Variants in ASTN2 observed in about 807,000 individuals in gnomAD.
The protein encoded by ASTN2 is astrotactin-2.
In ASTN2, 54 loss-of-function variants were observed where a neutral mutation model predicts 139.8. The ratio of observed to expected loss-of-function variants is 0.39; its 90% CI spans 0.31 to 0.48. The LOEUF (loss-of-function observed/expected upper bound fraction) is 0.48, where lower values mean the gene tolerates loss of function less well. Ranked by LOEUF, ASTN2 falls within the 20% of genes least tolerant of loss-of-function variation. The probability of loss-of-function intolerance (pLI) is 0.95; values close to 1 mark genes in which losing one functional copy is unlikely to be tolerated. For synonymous variants in ASTN2, 756 were observed against 719.5 expected (o/e 1.05, Z -0.81); for missense variants, 1,565 against 1,725.1 (o/e 0.91, Z 1.64).
chr9:116,682,577 G>A (rs991316236), intron 16 of ASTN2, among the ~76,000 whole-genome samples: 5 of 152,156 alleles, frequency 3.3e-5, no homozygotes, highest in East Asian at 1.9e-4. Flanking sequence ...GCATTCACAC[G>A]TATGTTTACT....
At chr9:116,864,518 C>T (rs1189394909) in intron 10 of ASTN2, among the ~76,000 whole-genome samples, 1 of 152,144 alleles carries the variant, frequency 6.6e-6, no homozygotes, top group Admixed American at 6.5e-5. Context: ...ATGGAATTCT[C>T]TACAATGGAG....
At chr9:116,694,298 C>T (rs990506084) in intron 16 of ASTN2, among the ~76,000 whole-genome samples, 3 of 152,066 alleles carry the variant, frequency 2.0e-5, no homozygotes, top group African/African-American at 7.2e-5. Flanking sequence ...TCTGCACTGC[C>T]AGCTCTGGGA....
intron 1 of ASTN2, among the ~76,000 whole-genome samples, chr9:117,306,621 G>A (rs1452842871): frequency 6.6e-6 from 1 of 152,162 alleles, no homozygotes; most frequent in African/African-American, 2.4e-5. Context: ...ATCTCACACT[G>A]TCTTAATGGA....
intron 19 of ASTN2, among the ~76,000 whole-genome samples, chr9:116,593,244 A>G (rs1475937870): frequency 6.6e-6 from 1 of 152,204 alleles, no homozygotes; most frequent in Admixed American, 6.5e-5. Context: ...ATAAAAGGGA[A>G]TCTGCTTCCC....
intron 3 of ASTN2, among the ~76,000 whole-genome samples, chr9:117,168,245 G>T (rs1462388108): frequency 6.6e-6 from 1 of 152,116 alleles, no homozygotes; most frequent in African/African-American, 2.4e-5. Context: ...GAAGATATGG[G>T]AAGAACCAAG....
At chr9:116,775,815 G>A (rs1198367648) in intron 13 of ASTN2, among the ~76,000 whole-genome samples, 1 of 148,734 alleles carries the variant, frequency 6.7e-6, no homozygotes, top group Non-Finnish European at 1.5e-5. Flanking sequence ...AAGGAAGAAA[G>A]GAAGGAAGAA....
At chr9:116,562,697 C>T (rs1852976601) in intron 19 of ASTN2, among the ~76,000 whole-genome samples, 1 of 139,480 alleles carries the variant, frequency 7.2e-6, no homozygotes, top group South Asian at 2.3e-4. Context: ...TGCCATTGCA[C>T]TGCAGCCTGG....
intron 2 of ASTN2, among the ~76,000 whole-genome samples, chr9:117,245,095 T>G (rs1379978079): frequency 6.6e-6 from 1 of 152,010 alleles, no homozygotes; most frequent in Non-Finnish European, 1.5e-5. Context: ...AGAGCTCGAT[T>G]CATCCTCCGT....
intron 1 of ASTN2, among the ~76,000 whole-genome samples, chr9:117,390,414 C>A (rs1243395299): frequency 6.6e-6 from 1 of 152,134 alleles, no homozygotes; most frequent in Non-Finnish European, 1.5e-5. Context: ...ATGGGTTTGA[C>A]AAATATCCAG....
intron 12 of ASTN2, 104 bp downstream of exon 12, chr9:116,820,513 G>A (rs1207919211): frequency 7.2e-7 from 1 of 1,379,836 alleles, no homozygotes; most frequent in African/African-American, 1.5e-5. Flanking sequence ...CCATTTTATT[G>A]AAGGTCAAGG....
intron 22 of ASTN2, among the ~76,000 whole-genome samples, chr9:116,427,989 A>G (rs1403678887): frequency 6.6e-6 from 1 of 152,252 alleles, no homozygotes; most frequent in Non-Finnish European, 1.5e-5. Flanking sequence ...AAGTTGAAGG[A>G]GATAAAGTCA....
At position 116,425,141 on chromosome 9, in the gene ASTN2, A is replaced by T. The variant is rs937990822; in HGVS notation, c.*710T>A. The T allele has an allele frequency of 5.6e-6, 1 of 179,106 alleles. No homozygotes were observed. Among genetic ancestry groups the T allele is most frequent in the Admixed American group, 6.2e-5 (1 of 16,050 alleles). 11.1% of individuals were successfully genotyped at this position (179,106 alleles called of 1,614,324 possible). ...TGTCTTTAGTTGCATATGCTCTGTG[A>T]CTGGCACAGGGTAGATACTCAATAA... On this transcript the variant is annotated 3_prime_UTR_variant, in exon 23 of 23. Coordinates refer to ENST00000313400, the MANE Select transcript of ASTN2 (RefSeq NM_001365068.1).
intron 1 of ASTN2, among the ~76,000 whole-genome samples, chr9:117,298,761 A>G (rs1317378842): frequency 6.7e-6 from 1 of 150,214 alleles, no homozygotes; most frequent in South Asian, 2.1e-4. Flanking sequence ...AATAGTCTAT[A>G]CAGCTGACTT....
At chr9:117,054,627 A>T (rs10125163) in intron 5 of ASTN2, among the ~76,000 whole-genome samples, 3,082 of 152,244 alleles carry the variant, frequency 0.02, 95 homozygotes, top group African/African-American at 0.07. Flanking sequence ...AAAAATGGGG[A>T]ATGTGCAGTT....
chr9:116,697,869 A>G lies in ASTN2; in HGVS notation c.2806+27902T>C, dbSNP rs764366522. On this transcript the variant is annotated intron_variant, in intron 16 of 22. Coordinates refer to ENST00000313400, the MANE Select transcript of ASTN2 (RefSeq NM_001365068.1). Reference sequence around the variant, plus strand: ...CAAGCTTCTGCACTGTGGCCATACCATCTGCCGCCAGTGCCTGGAGAAGCT... The same window carrying G: ...CAAGCTTCTGCACTGTGGCCATACCGTCTGCCGCCAGTGCCTGGAGAAGCT... The G allele has an allele frequency of 1.6e-5, 26 of 1,614,084 alleles. No homozygotes were observed. The highest frequency in any genetic ancestry group is 1.6e-4 in the Middle Eastern group (1 of 6,084).
At chr9:116,483,583 G>C (rs1849242311) in intron 20 of ASTN2, among the ~76,000 whole-genome samples, 1 of 152,132 alleles carries the variant, frequency 6.6e-6, no homozygotes, top group African/African-American at 2.4e-5. Flanking sequence ...AACAGGAATG[G>C]TAGGGAGAAT....
intron 3 of ASTN2, among the ~76,000 whole-genome samples, chr9:117,195,170 A>G (rs1831462293): frequency 6.6e-6 from 1 of 152,238 alleles, no homozygotes; most frequent in Non-Finnish European, 1.5e-5. Context: ...AAGTTGACAG[A>G]AGACAAAAGA....
intron 1 of ASTN2, among the ~76,000 whole-genome samples, chr9:117,328,854 G>A (rs1424342698): frequency 6.6e-6 from 1 of 152,210 alleles, no homozygotes; most frequent in Non-Finnish European, 1.5e-5. Flanking sequence ...CCCCTATAGA[G>A]TGGGTGACGG....
chr9:116,710,733 C>CAAAAAAAA (rs57745448), intron 16 of ASTN2, among the ~76,000 whole-genome samples: 1 of 72,576 alleles, frequency 1.4e-5, no homozygotes, highest in East Asian at 4.3e-4. Flanking sequence ...AACTCCGTCT[C>CAAAAAAAA]AAAAAAAAAA....
Sources: allele counts gnomAD v4.1 joint callset (sites outside exome capture counted in the v4.1 genomes callset), GRCh38; gene constraint gnomAD v4.1.1; transcripts MANE v1.5; gene names NCBI Gene and HGNC (gene_info 2026-07-23, HGNC 2026-07-21).